The following SMTNL1 variants were observed in gnomAD, a reference collection of about 807,000 sequenced individuals.
The protein encoded by SMTNL1 is smoothelin like 1.
A neutral mutation model predicts 46.6 loss-of-function variants in SMTNL1; 41 were observed. The ratio of observed to expected loss-of-function variants is 0.88; its 90% CI spans 0.69 to 1.14. The LOEUF is 1.14. SMTNL1 is among the 50% of genes most tolerant of loss of function. The probability of loss-of-function intolerance (pLI) is 0.00; values close to 1 mark genes in which losing one functional copy is unlikely to be tolerated. For missense variants in SMTNL1, 591 were observed against 626.1 expected (o/e 0.94, Z 0.60); for synonymous variants, 234 against 234.2 (o/e 1.00, Z 0.01).
chr11:57,541,513 C>A (rs373187377), intron 1 of SMTNL1: 2 of 1,367,330 alleles, frequency 1.5e-6, no homozygotes, highest in Middle Eastern at 2.1e-4. Context: ...CCCATGCTCC[C>A]GGGGGCAGTT....
Position 57,550,243 on chromosome 11 carries a change from A to T in SMTNL1, c.*131A>T. The T allele has an allele frequency of 1.1e-6, 1 of 947,426 alleles. No homozygotes were observed. The highest frequency in any genetic ancestry group is 1.6e-6 in the Non-Finnish European group (1 of 643,192). The allele number at this position is 947,426 out of a possible 1,614,324, so 58.7% of individuals were successfully genotyped here. On this transcript the variant is annotated 3_prime_UTR_variant, in exon 8 of 8. Coordinates refer to ENST00000527972, the MANE Select transcript of SMTNL1 (RefSeq NM_001105565.3). The stretch of plus-strand genomic sequence containing the variant: ...GGCAAGGGTGTGTGGCGTTGGTTTT[A>T]ACTGCATTAAAAGTACTTTTGTAAA...
At position 57,546,581 on chromosome 11, in the gene SMTNL1, C is replaced by A. The variant is rs781037832; in HGVS notation, c.1269C>A (p.Asp423Glu). The change falls in exon 7 of 8, where the codon GAC becomes GAA. Residue 423 changes from aspartate (D) to glutamate (E), a missense_variant. Physicochemically the swap from Asp to Glu is conservative, Grantham distance 45. Transcript: ENST00000527972. ...CCCTCATCCACAAGTTCTTCCCTGACGCCTTTGACTACGCAGAGCTGGATC... is the reference window on the plus strand; with the variant it reads ...CCCTCATCCACAAGTTCTTCCCTGAAGCCTTTGACTACGCAGAGCTGGATC... Reference protein sequence around the residue: ...FCALIHKFFPDAFDYAELDPA... With the variant: ...FCALIHKFFPEAFDYAELDPA... 18 of 1,614,148 alleles carry A rather than the reference C, an allele frequency of 1.1e-5. No homozygotes were observed. The highest frequency in any genetic ancestry group is 1.4e-5 in the Non-Finnish European group (17 of 1,179,986).
In SMTNL1 at chr11:57,546,489, T is replaced by C. The variant is rs1486852266; in HGVS notation, c.1189-12T>C. On this transcript the variant is annotated splice_polypyrimidine_tract_variant and intron_variant, in intron 6 of 7. Coordinates refer to ENST00000527972, the MANE Select transcript of SMTNL1 (RefSeq NM_001105565.3). ...CCTCACTGAGGCCTCCTCTGTGCCC[T>C]GCCTGCCATAGCATGTGGACATCCA... 2 of 1,613,974 alleles carry C rather than the reference T, an allele frequency of 1.2e-6. No homozygotes were observed. Among genetic ancestry groups the C allele is most frequent in the South Asian group, 2.2e-5 (2 of 91,068 alleles).
At chr11:57,542,113 A>AACAC (rs1554989089) in intron 1 of SMTNL1, among the ~76,000 whole-genome samples, 4 of 105,450 alleles carry the variant, frequency 3.8e-5, no homozygotes, top group African/African-American at 1.0e-4. Context: ...ACAAAAAAAA[A>AACAC]ACACACACAC....
chr11:57,543,103 C>T lies in SMTNL1; in HGVS notation c.461C>T (p.Ala154Val), dbSNP rs746055489. ...AKPESGQKAD[A>V]NDRDKPEPKA... The stretch of plus-strand genomic sequence containing the variant: ...CCTGAATCTGGGCAGAAAGCCGATG[C>T]CAATGACAGAGACAAGCCTGAACCT... Residue 154 changes from alanine (A) to valine (V), a missense_variant, in exon 2 of 8, where the codon GCC (alanine) becomes GTC (valine). Ala to Val is a moderately conservative substitution (Grantham distance 64, BLOSUM62 0). Coordinates refer to ENST00000527972, the MANE Select transcript of SMTNL1 (RefSeq NM_001105565.3). 1.2e-6 allele frequency: 2 copies of T among 1,612,112 alleles called. No individual in the cohort carries two copies. Among genetic ancestry groups the T allele is most frequent in the East Asian group, 2.2e-5 (1 of 44,818 alleles).
In SMTNL1 at chr11:57,550,253, A is replaced by G. The variant is rs1016357778; in HGVS notation, c.*141A>G. 2.3e-6 allele frequency: 2 copies of G among 868,994 alleles called. No homozygotes were observed. Among genetic ancestry groups the G allele is most frequent in the African/African-American group, 3.4e-5 (2 of 58,456 alleles). The allele number at this position is 868,994 out of a possible 1,614,324, so 53.8% of individuals were successfully genotyped here. On this transcript the variant is annotated 3_prime_UTR_variant, in exon 8 of 8. Transcript: ENST00000527972. ...TGTGGCGTTGGTTTTAACTGCATTA[A>G]AAGTACTTTTGTAAAATCCTGTCTG...
chr11:57,538,534 T>G (rs1944847861), intron 1 of SMTNL1, among the ~76,000 whole-genome samples: 1 of 152,194 alleles, frequency 6.6e-6, no homozygotes, highest in South Asian at 2.1e-4. Flanking sequence ...AGGGAGGAAC[T>G]CCTCGGCTGA....
chr11:57,543,631 G>A lies in SMTNL1; in HGVS notation c.740G>A (p.Gly247Asp). The A allele has an allele frequency of 1.2e-6, 2 of 1,607,726 alleles. No homozygotes were observed. The highest frequency in any genetic ancestry group is 1.7e-6 in the Non-Finnish European group (2 of 1,177,520). ...AGATCATGCTCATTCCAGGAGCCAG[G>A]CAGTCCCAGCGAAGAGCAGGAGCAG... Reference protein sequence around the residue: ...EAEDAEEAEPGSPSEEQEQDV... With the variant: ...EAEDAEEAEPDSPSEEQEQDV... The change falls in exon 3 of 8, where the codon GGC (glycine) becomes GAC (aspartate). Residue 247 changes from glycine to aspartate, a missense_variant. Gly to Asp is a moderately conservative substitution (Grantham distance 94). Transcript: ENST00000527972.
chr11:57,544,659 G>C (rs1183615532), intron 4 of SMTNL1, among the ~76,000 whole-genome samples: 1 of 152,188 alleles, frequency 6.6e-6, no homozygotes, highest in Non-Finnish European at 1.5e-5. Flanking sequence ...CATAGCAATT[G>C]TATCTACCTC....
chr11:57,545,951 G>C lies in SMTNL1; in HGVS notation c.988G>C (p.Ala330Pro), dbSNP rs773069287. ...SPSSGEKKEK[A>P]PERRVSAPAR... ...TTCCTCAGGGGAGAAGAAGGAGAAG[G>C]CACCAGAGCGCAGGGTATCAGCCCC... The change falls in exon 5 of 8, where the codon GCA (alanine) becomes CCA (proline). Residue 330 changes from alanine (A) to proline (P), a missense_variant. Physicochemically the swap from Ala to Pro is conservative, Grantham distance 27. Transcript: ENST00000527972. 3.1e-6 allele frequency: 5 copies of C among 1,613,680 alleles called. No homozygotes were observed. The highest frequency in any genetic ancestry group is 1.7e-5 in the Admixed American group (1 of 59,950).
chr11:57,547,456 CT>C (rs1199356408), intron 7 of SMTNL1, among the ~76,000 whole-genome samples: 1 of 152,246 alleles, frequency 6.6e-6, no homozygotes, highest in Non-Finnish European at 1.5e-5. Flanking sequence ...TGAATCCTCC[CT>C]GCTTCTCCCT....
At position 57,550,223 on chromosome 11, in the gene SMTNL1, G is replaced by A. The variant is rs1944947859; in HGVS notation, c.*111G>A. The A allele has an allele frequency of 8.4e-7, 1 of 1,193,674 alleles. No individual in the cohort carries two copies. The highest frequency in any genetic ancestry group is 1.2e-6 in the Non-Finnish European group (1 of 862,192). 73.9% of individuals were successfully genotyped at this position (1,193,674 alleles called of 1,614,324 possible). A position where few individuals can be genotyped will look rare whatever the true frequency, so the allele number is the denominator to read the frequency against. The stretch of plus-strand genomic sequence containing the variant: ...GCACCAGAGCCAGGGGCTTAGGCAA[G>A]GGTGTGTGGCGTTGGTTTTAACTGC... On this transcript the variant is annotated 3_prime_UTR_variant, in exon 8 of 8. Coordinates refer to ENST00000527972, the MANE Select transcript of SMTNL1 (RefSeq NM_001105565.3).
rs565235416 is a variant in SMTNL1, at chr11:57,540,515, A to G, written c.-2-2126A>G. 2.0e-5 allele frequency among the ~76,000 whole-genome samples: 3 copies of G among 152,248 alleles called. No homozygotes were observed. In the South Asian group the frequency reaches 6.2e-4, roughly 32 times the overall value. On this transcript the variant is annotated intron_variant, in intron 1 of 7. Coordinates refer to ENST00000527972, the MANE Select transcript of SMTNL1 (RefSeq NM_001105565.3). ...CCCTATCCATGTCACGGGAGACCCTAGTTTTCCACAGAACACAATGTGGAG... is the reference window on the plus strand; with the variant it reads ...CCCTATCCATGTCACGGGAGACCCTGGTTTTCCACAGAACACAATGTGGAG...
intron 4 of SMTNL1, among the ~76,000 whole-genome samples, chr11:57,545,605 CAA>C (rs67336706): frequency 3.6e-5 from 5 of 140,706 alleles, no homozygotes; most frequent in Middle Eastern, 3.9e-3. Context: ...AGCTCTGTCT[CAA>C]AAAAAAAAAA....
chr11:57,539,706 C>A (rs1362132620), intron 1 of SMTNL1, among the ~76,000 whole-genome samples: 1 of 152,204 alleles, frequency 6.6e-6, no homozygotes, highest in Non-Finnish European at 1.5e-5. Context: ...GACCTCCTGG[C>A]CTCAGGTGAT....
In SMTNL1 at chr11:57,543,095, AG is replaced by A. The variant is rs1944892861; in HGVS notation, c.454del (p.Ala152ProfsTer116). 1 of 1,611,688 alleles carries A rather than the reference AG, an allele frequency of 6.2e-7. No homozygotes were observed. The highest frequency in any genetic ancestry group is 8.5e-7 in the Non-Finnish European group (1 of 1,178,912). ...KEAKPESGQK[A>X]DANDRDKPEP... The stretch of plus-strand genomic sequence containing the variant: ...AGGCCAAACCTGAATCTGGGCAGAA[AG>A]CCGATGCCAATGACAGAGACAAGCC... On this transcript the variant is annotated frameshift_variant, in exon 2 of 8. Transcript: ENST00000527972. LOFTEE classifies it high-confidence loss of function.
chr11:57,546,114 TG>T, intron 5 of SMTNL1, 78 bp downstream of exon 5: 1 of 1,519,744 alleles, frequency 6.6e-7, no homozygotes, highest in Non-Finnish European at 8.8e-7. Flanking sequence ...TCAGGGGCAG[TG>T]GGAACAGCCC....
rs1209457402 is a variant in SMTNL1 at position 57,543,697 on chromosome 11, C to T, written c.806C>T (p.Pro269Leu). Residue 269 changes from proline (P) to leucine (L), a missense_variant, in exon 3 of 8, where the codon CCC (proline) becomes CTC (leucine). Physicochemically the swap from Pro to Leu is moderately conservative, Grantham distance 98. Coordinates refer to ENST00000527972, the MANE Select transcript of SMTNL1 (RefSeq NM_001105565.3). ...CCAGAGGGAGGGGCAGGGGTGATTC[C>T]CAGCTCCCCAGAGGAGTGGCCTGAG... ...KEPEGGAGVI[P>L]SSPEEWPESP... is the part of the protein sequence containing the mutation. 1 of 1,585,242 alleles carries T rather than the reference C, an allele frequency of 6.3e-7. No homozygotes were observed. Among genetic ancestry groups the T allele is most frequent in the Non-Finnish European group, 8.6e-7 (1 of 1,165,958 alleles).
At chr11:57,545,457 T>A (rs536152380) in intron 4 of SMTNL1, among the ~76,000 whole-genome samples, 2 of 151,748 alleles carry the variant, frequency 1.3e-5, no homozygotes, top group East Asian at 3.9e-4. Flanking sequence ...ATACAAAAAT[T>A]AGCTGGGTGT....
Sources: allele counts gnomAD v4.1 joint callset (sites outside exome capture counted in the v4.1 genomes callset), GRCh38; gene constraint gnomAD v4.1.1; transcripts MANE v1.5; gene names NCBI Gene and HGNC (gene_info 2026-07-23, HGNC 2026-07-21).